Variants in PCDHGA11 observed in about 807,000 individuals in gnomAD.
PCDHGA11 encodes protocadherin gamma subfamily A, 11, also known as protocadherin gamma-A11.
A neutral mutation model predicts 60.4 loss-of-function variants in PCDHGA11; 39 were observed. The ratio of observed to expected loss-of-function variants is 0.65; its 90% CI spans 0.50 to 0.84. PCDHGA11 has a LOEUF of 0.84. Among genes scored for constraint, PCDHGA11 ranks in the 40% least tolerant of loss-of-function variants. The pLI, the probability that PCDHGA11 is intolerant of heterozygous loss-of-function variation, is 0.00. For missense variants in PCDHGA11, 1,165 were observed against 1,197.7 expected (o/e 0.97, Z 0.40); for synonymous variants, 533 against 510.3 (o/e 1.04, Z -0.60).
chr5:141,477,220 G>A lies in PCDHGA11; in HGVS notation c.2434-17587G>A. 24 of 1,614,190 alleles carry A rather than the reference G, an allele frequency of 1.5e-5. No individual in the cohort carries two copies. The highest frequency in any genetic ancestry group is 1.9e-5 in the Non-Finnish European group (23 of 1,180,040). ...CAGTACCCGAGGATGCCCCTCTGGG[G>A]ACTGTCATCGCTTTGCTCAGTGTGA... is the stretch of plus-strand genomic sequence containing the variant. On this transcript the variant is annotated intron_variant, in intron 1 of 3. Coordinates refer to ENST00000398587, the MANE Select transcript of PCDHGA11 (RefSeq NM_018914.3). The surrounding 1 kb of genome is among the most constrained non-coding windows in gnomAD (Gnocchi z 4.9).
intron 1 of PCDHGA11, among the ~76,000 whole-genome samples, chr5:141,460,620 C>G (rs185269852): frequency 5.6e-4 from 85 of 151,856 alleles, no homozygotes; most frequent in African/African-American, 1.9e-3. Context: ...GATAGATAGA[C>G]AGATACAGAT....
At position 141,431,258 on chromosome 5, in the gene PCDHGA11, C is replaced by G. The variant is rs754250241; in HGVS notation, c.2433+7598C>G. 6.2e-6 allele frequency: 10 copies of G among 1,614,186 alleles called. No individual in the cohort carries two copies. The highest frequency in any genetic ancestry group is 1.6e-4 in the Middle Eastern group (1 of 6,062). ...GGATCCGGATATCGGGAAGAACTCT[C>G]TGCAGAGCTACGAGCTCAGCCCGAA... On this transcript the variant is annotated intron_variant, in intron 1 of 3. Transcript: ENST00000398587. This position sits in a 1 kb window ranked among gnomAD's most constrained non-coding sequence, Gnocchi z 4.8.
Position 141,421,569 on chromosome 5 carries a change from C to T in PCDHGA11, c.342C>T (p.Thr114=), listed in dbSNP as rs1029858235. 2 of 1,613,884 alleles carry T rather than the reference C, an allele frequency of 1.2e-6. No homozygotes were observed. The highest frequency in any genetic ancestry group is 1.7e-6 in the Non-Finnish European group (2 of 1,179,854). The change falls in exon 1 of 4, where the codon ACC becomes ACT. Residue 114 remains threonine (T), a synonymous_variant. Coordinates refer to ENST00000398587, the MANE Select transcript of PCDHGA11 (RefSeq NM_018914.3). ...FLNMELLVED[T]LKIYGVEVEI... ...ATATGGAACTTCTCGTGGAAGACAC[C>T]TTGAAGATTTACGGAGTGGAGGTGG...
At chr5:141,505,348 G>A (rs1414647950) in intron 2 of PCDHGA11, 45 bp from the exon 3 acceptor site, 1 of 1,613,358 alleles carries the variant, frequency 6.2e-7, no homozygotes, top group Admixed American at 1.7e-5. Context: ...GGCATGAGCT[G>A]TGCCGGCCTG....
At position 141,486,108 on chromosome 5, in the gene PCDHGA11, G is replaced by A. The variant is rs1184123075; in HGVS notation, c.2434-8699G>A. ...CTTTTGGGGCCCCTAGACTTTGAGA[G>A]TGAGAATTACTATGAATTTGATGTG... On this transcript the variant is annotated intron_variant, in intron 1 of 3. Coordinates refer to ENST00000398587, the MANE Select transcript of PCDHGA11 (RefSeq NM_018914.3). The surrounding 1 kb of genome is among the most constrained non-coding windows in gnomAD (Gnocchi z 5.0). 6 of 1,614,206 alleles carry A rather than the reference G, an allele frequency of 3.7e-6. No individual in the cohort carries two copies. Among genetic ancestry groups the A allele is most frequent in the South Asian group, 3.3e-5 (3 of 91,084 alleles).
chr5:141,463,548 A>C (rs2099063677), intron 1 of PCDHGA11, among the ~76,000 whole-genome samples: 1 of 140,798 alleles, frequency 7.1e-6, no homozygotes, highest in Non-Finnish European at 1.5e-5. Context: ...TCCCGGGTTC[A>C]TGCCATTCTC....
chr5:141,459,613 C>A (rs1040874685), intron 1 of PCDHGA11, among the ~76,000 whole-genome samples: 1 of 152,188 alleles, frequency 6.6e-6, no homozygotes, highest in African/African-American at 2.4e-5. Context: ...ATATGCTTAA[C>A]TTTATAAGAA....
Position 141,432,097 on chromosome 5 carries a change from C to T in PCDHGA11, c.2433+8437C>T, listed in dbSNP as rs1428283489. The stretch of plus-strand genomic sequence containing the variant: ...TCTCGCTGAACGTGGCAGACACCAA[C>T]GACAACCCGCCGGTCTTCCCTCAGG... On this transcript the variant is annotated intron_variant, in intron 1 of 3. Transcript: ENST00000398587. This position sits in a 1 kb window ranked among gnomAD's most constrained non-coding sequence, Gnocchi z 6.0. 6 of 1,614,066 alleles carry T rather than the reference C, an allele frequency of 3.7e-6. No individual in the cohort carries two copies. The highest frequency in any genetic ancestry group is 2.7e-5 in the African/African-American group (2 of 74,920).
chr5:141,488,158 G>A (rs534297140), intron 1 of PCDHGA11, among the ~76,000 whole-genome samples: 4 of 152,328 alleles, frequency 2.6e-5, no homozygotes, highest in South Asian at 2.1e-4. Context: ...AGAGAGGCAC[G>A]CATCAGAGTG....
rs1353509218 is a variant in PCDHGA11, at chr5:141,512,908, TTTATACTC to T, written c.*1737_*1744del. ...CCCTCTTCCTGTGTCTCACGCAAGTTTTATACTCTAATATTTATATGGCTTTTTTTCTT... is the reference window on the plus strand; with the variant it reads ...CCCTCTTCCTGTGTCTCACGCAAGTTTAATATTTATATGGCTTTTTTTCTT... On this transcript the variant is annotated 3_prime_UTR_variant, in exon 4 of 4. Transcript: ENST00000398587. 6.6e-6 allele frequency: 1 copy of T among 152,268 alleles called. No individual in the cohort carries two copies. Among genetic ancestry groups the T allele is most frequent in the Non-Finnish European group, 1.5e-5 (1 of 68,054 alleles). 9.4% of individuals were successfully genotyped at this position (152,268 alleles called of 1,614,324 possible).
Position 141,487,552 on chromosome 5 carries a change from A to C in PCDHGA11, c.2434-7255A>C. On this transcript the variant is annotated intron_variant, in intron 1 of 3. Coordinates refer to ENST00000398587, the MANE Select transcript of PCDHGA11 (RefSeq NM_018914.3). The surrounding 1 kb of genome is among the most constrained non-coding windows in gnomAD (Gnocchi z 5.0). ...TCATGATGGTGAAGTCACCCAGTGC[A>C]CCTATGGCAGGGGAGCCTGTTCGCC... is the stretch of plus-strand genomic sequence containing the variant. 2 of 1,614,116 alleles carry C rather than the reference A, an allele frequency of 1.2e-6. No homozygotes were observed. The highest frequency in any genetic ancestry group is 1.7e-6 in the Non-Finnish European group (2 of 1,180,024).
At position 141,431,468 on chromosome 5, in the gene PCDHGA11, G is replaced by A. The variant is rs756718016; in HGVS notation, c.2433+7808G>A. ...CCGCGTGATGGTTCTGGATGCGAAC[G>A]ACAACGCACCAGCGTTTGCTCAGCC... On this transcript the variant is annotated intron_variant, in intron 1 of 3. Transcript: ENST00000398587. This position sits in a 1 kb window ranked among gnomAD's most constrained non-coding sequence, Gnocchi z 4.8. The A allele has an allele frequency of 3.7e-6, 6 of 1,613,804 alleles. No homozygotes were observed. In the Admixed American group the frequency reaches 8.3e-5, roughly 22 times the overall value.
chr5:141,430,904 T>C (rs2097322701), intron 1 of PCDHGA11: 5 of 1,606,730 alleles, frequency 3.1e-6, no homozygotes, highest in Middle Eastern at 1.7e-4. Context: ...GGGCGACATC[T>C]CCAGGGACCT....
chr5:141,422,390 C>T lies in PCDHGA11; in HGVS notation c.1163C>T (p.Pro388Leu). ...GENGQVSCFI[P>L]NHLPFKLEKT... ...AATGGTCAAGTCTCCTGTTTTATTC[C>T]TAACCACCTGCCTTTTAAATTAGAA... The change falls in exon 1 of 4, where the codon CCT becomes CTT. Residue 388 changes from proline to leucine, a missense_variant. Pro to Leu is a moderately conservative substitution (Grantham distance 98). Transcript: ENST00000398587. 6.3e-7 allele frequency: 1 copy of T among 1,591,016 alleles called. No homozygotes were observed. The highest frequency in any genetic ancestry group is 8.5e-7 in the Non-Finnish European group (1 of 1,171,618).
intron 1 of PCDHGA11, among the ~76,000 whole-genome samples, chr5:141,445,738 T>G (rs553879167): frequency 9.9e-5 from 15 of 152,122 alleles, no homozygotes; most frequent in Non-Finnish European, 1.9e-4. Context: ...AAAGATCTTT[T>G]TAAAAAATAA....
intron 1 of PCDHGA11, chr5:141,424,442 T>C (rs2096821583): frequency 6.6e-6 from 1 of 152,244 alleles, no homozygotes; most frequent in South Asian, 2.1e-4. Context: ...AATTGAATTA[T>C]TGAACTGGTA....
chr5:141,483,432 ACT>A (rs2099581241), intron 1 of PCDHGA11, among the ~76,000 whole-genome samples: 1 of 152,200 alleles, frequency 6.6e-6, no homozygotes, highest in African/African-American at 2.4e-5. Flanking sequence ...GAGGGAGCTG[ACT>A]ACAATAAAAT....
At position 141,485,035 on chromosome 5, in the gene PCDHGA11, AC is replaced by A; in HGVS notation, c.2434-9769del. ...CCGCCACCAGCAAAAACGGCGCGTA[AC>A]CCTTGCGGCGCCGGCCGAACCGCGC... On this transcript the variant is annotated intron_variant, in intron 1 of 3. Coordinates refer to ENST00000398587, the MANE Select transcript of PCDHGA11 (RefSeq NM_018914.3). The surrounding 1 kb of genome is among the most constrained non-coding windows in gnomAD (Gnocchi z 5.7). 1.4e-6 allele frequency: 1 copy of A among 694,388 alleles called. No homozygotes were observed. Among genetic ancestry groups the A allele is most frequent in the East Asian group, 2.6e-5 (1 of 38,852 alleles). The allele number at this position is 694,388 out of a possible 1,614,324, so 43.0% of individuals were successfully genotyped here.
At position 141,444,152 on chromosome 5, in the gene PCDHGA11, A is replaced by ATTT. The variant is rs747671382; in HGVS notation, c.2433+20526_2433+20528dup. 1.9e-3 allele frequency among the ~76,000 whole-genome samples: 66 copies of ATTT among 33,898 alleles called. 23 individuals are homozygous for ATTT. Among genetic ancestry groups the ATTT allele is most frequent in the African/African-American group, 4.6e-3 (33 of 7,184 alleles). The allele number at this position is 33,898 out of a possible 152,430, so 22.2% of individuals were successfully genotyped here. A position where few individuals can be genotyped will look rare whatever the true frequency, so the allele number is the denominator to read the frequency against. On this transcript the variant is annotated intron_variant, in intron 1 of 3. Transcript: ENST00000398587. Reference sequence around the variant, plus strand: ...GATATGTGTCACTTGTGTGTACTGGATTTTTTTTTTTTTTTTTTTTTTTTT... The same window carrying ATTT: ...GATATGTGTCACTTGTGTGTACTGGATTTTTTTTTTTTTTTTTTTTTTTTTTTT...
Sources: allele counts gnomAD v4.1 joint callset (sites outside exome capture counted in the v4.1 genomes callset), GRCh38; gene constraint gnomAD v4.1.1; non-coding constraint Gnocchi (gnomAD v3.1); transcripts MANE v1.5; gene names NCBI Gene and HGNC (gene_info 2026-07-23, HGNC 2026-07-21).